AUTS2: variants seen among roughly 807,000 people sequenced by gnomAD.
The protein encoded by AUTS2 is autism susceptibility gene 2 protein.
In AUTS2, 17 loss-of-function variants were observed where a neutral mutation model predicts 112.4. The observed-to-expected ratio is 0.15, with a 90% CI of 0.10 to 0.23. AUTS2 has a LOEUF of 0.23. Among genes scored for constraint, AUTS2 ranks in the 10% least tolerant of loss-of-function variants. The pLI, the probability that AUTS2 is intolerant of heterozygous loss-of-function variation, is 1.00. For synonymous variants in AUTS2, 751 were observed against 702.7 expected (o/e 1.07, Z -1.09); for missense variants, 1,510 against 1,701.6 (o/e 0.89, Z 1.98).
chr7:69,604,653 G>A (rs2129072520), intron 1 of AUTS2, among the ~76,000 whole-genome samples: 1 of 152,286 alleles, frequency 6.6e-6, no homozygotes, highest in East Asian at 1.9e-4. Context: ...TGAAGGCACA[G>A]GAACAAGATG....
chr7:69,715,248 G>A (rs1361787145), intron 1 of AUTS2, among the ~76,000 whole-genome samples: 25 of 146,370 alleles, frequency 1.7e-4, no homozygotes, highest in African/African-American at 6.4e-4. Context: ...AAAAAAAAAG[G>A]AAAAAGTGAT....
At chr7:70,323,266 C>G (rs1415962097) in intron 4 of AUTS2, among the ~76,000 whole-genome samples, 5 of 152,154 alleles carry the variant, frequency 3.3e-5, no homozygotes, top group Non-Finnish European at 1.5e-5. Flanking sequence ...AGTCCACAAC[C>G]CAACTCAGAG....
intron 6 of AUTS2, among the ~76,000 whole-genome samples, chr7:70,753,525 A>G (rs1270679934): frequency 6.6e-6 from 1 of 152,202 alleles, no homozygotes; most frequent in African/African-American, 2.4e-5. Flanking sequence ...TCAGTGACCA[A>G]GAAGAAGAGC....
At position 70,197,573 on chromosome 7, in the gene AUTS2, G is replaced by A. The variant is rs1361374710; in HGVS notation, c.660+63002G>A. ...GAGTTCCCTTTCCGAGTCAAAGAAA[G>A]GGGTGACGGACGCACCTGGAAAATC... On this transcript the variant is annotated intron_variant, in intron 4 of 18. Transcript: ENST00000342771. Among the ~76,000 whole-genome samples the A allele has an allele frequency of 2.4e-3, 254 of 107,422 alleles. 2 individuals carry two copies. Among genetic ancestry groups the A allele is most frequent in the African/African-American group, 9.1e-3 (247 of 27,236 alleles). 70.5% of individuals were successfully genotyped at this position (107,422 alleles called of 152,430 possible).
chr7:70,402,036 T>A (rs1794347304), intron 4 of AUTS2, among the ~76,000 whole-genome samples: 1 of 152,222 alleles, frequency 6.6e-6, no homozygotes, highest in East Asian at 1.9e-4. Flanking sequence ...ATGTAAGGTA[T>A]TAAAAATCAT....
At chr7:69,859,407 G>A (rs1470550027) in intron 1 of AUTS2, among the ~76,000 whole-genome samples, 2 of 152,168 alleles carry the variant, frequency 1.3e-5, no homozygotes, top group African/African-American at 2.4e-5. Context: ...TTCTTTTAAT[G>A]TATTCCAAAA....
At chr7:70,765,685 C>T (rs151212683) in intron 8 of AUTS2, among the ~76,000 whole-genome samples, 1 of 152,152 alleles carries the variant, frequency 6.6e-6, no homozygotes, top group Admixed American at 6.5e-5. Flanking sequence ...TATCACTGTT[C>T]CCAAGCACTT....
chr7:70,560,616 A>G (rs1801448846), intron 5 of AUTS2, among the ~76,000 whole-genome samples: 1 of 152,254 alleles, frequency 6.6e-6, no homozygotes, highest in Admixed American at 6.5e-5. Context: ...TTAGGTGCCA[A>G]CTAGAGAAAG....
Position 70,791,114 on chromosome 7 carries a change from C to G in AUTS2, c.*118C>G. On this transcript the variant is annotated 3_prime_UTR_variant, in exon 19 of 19. Coordinates refer to ENST00000342771, the MANE Select transcript of AUTS2 (RefSeq NM_015570.4). ...CTGGGGGGGAAAGCCCCACCCCTTCCCCTTGTAAAAAATGTATAGACTCAG... is the reference window on the plus strand; with the variant it reads ...CTGGGGGGGAAAGCCCCACCCCTTCGCCTTGTAAAAAATGTATAGACTCAG... 1 of 1,074,156 alleles carries G rather than the reference C, an allele frequency of 9.3e-7. No individual in the cohort carries two copies. The highest frequency in any genetic ancestry group is 1.2e-6 in the Non-Finnish European group (1 of 822,584). The allele number at this position is 1,074,156 out of a possible 1,614,324, so 66.5% of individuals were successfully genotyped here. A position where few individuals can be genotyped will look rare whatever the true frequency, so the allele number is the denominator to read the frequency against.
At position 70,708,047 on chromosome 7, in the gene AUTS2, G is replaced by A. The variant is rs567526334; in HGVS notation, c.742+9427G>A. Among the ~76,000 whole-genome samples the A allele has an allele frequency of 4.6e-5, 7 of 152,278 alleles. No individual in the cohort carries two copies. The South Asian group carries it at 1.5e-3, about 32-fold the overall frequency. On this transcript the variant is annotated intron_variant, in intron 6 of 18. Transcript: ENST00000342771. ...TTTTGAAGAGGGAAATGTCTCAAGT[G>A]TGCCCGTTAATAGACTGATGTGGGA...
At chr7:70,580,535 C>T (rs1198279328) in intron 5 of AUTS2, among the ~76,000 whole-genome samples, 1 of 152,198 alleles carries the variant, frequency 6.6e-6, no homozygotes, top group Admixed American at 6.5e-5. Flanking sequence ...AATTCAGCCT[C>T]AGGATACAAG....
chr7:69,759,899 T>C (rs1781016414), intron 1 of AUTS2, among the ~76,000 whole-genome samples: 1 of 151,058 alleles, frequency 6.6e-6, no homozygotes, highest in South Asian at 2.1e-4. Context: ...TGGGATCTTC[T>C]GTCCTCTAGA....
At chr7:70,434,242 AG>A (rs1464606851) in intron 4 of AUTS2, among the ~76,000 whole-genome samples, 1 of 152,230 alleles carries the variant, frequency 6.6e-6, no homozygotes, top group Non-Finnish European at 1.5e-5. Flanking sequence ...CAATGCCCAG[AG>A]GTTTACCTCT....
At chr7:69,830,130 C>T (rs539853270) in intron 1 of AUTS2, among the ~76,000 whole-genome samples, 109 of 152,208 alleles carry the variant, frequency 7.2e-4, no homozygotes, top group South Asian at 1.5e-3. Context: ...CAAACTAACA[C>T]GGGAACAGAA....
intron 5 of AUTS2, among the ~76,000 whole-genome samples, chr7:70,666,295 C>T (rs531522764): frequency 3.7e-4 from 57 of 152,246 alleles, no homozygotes; most frequent in South Asian, 1.7e-3. Context: ...GCATCCAGCA[C>T]GACACTAAGT....
At chr7:70,378,609 T>C (rs1054548552) in intron 4 of AUTS2, among the ~76,000 whole-genome samples, 4 of 152,220 alleles carry the variant, frequency 2.6e-5, no homozygotes, top group Non-Finnish European at 5.9e-5. Flanking sequence ...ACACAGCTAG[T>C]ATGTGGCAGA....
At chr7:70,428,115 C>T (rs534410677) in intron 4 of AUTS2, among the ~76,000 whole-genome samples, 177 of 152,162 alleles carry the variant, frequency 1.2e-3, no homozygotes, top group Non-Finnish European at 2.3e-3. Flanking sequence ...GAAGAGTCGA[C>T]GACATTATTT....
intron 5 of AUTS2, among the ~76,000 whole-genome samples, chr7:70,504,180 T>C (rs1462017964): frequency 6.6e-6 from 1 of 151,830 alleles, no homozygotes; most frequent in African/African-American, 2.4e-5. Context: ...ATTAAAGCTT[T>C]ATAGGCTATT....
chr7:69,817,287 G>A (rs2129525866), intron 1 of AUTS2, among the ~76,000 whole-genome samples: 1 of 152,356 alleles, frequency 6.6e-6, no homozygotes, highest in East Asian at 1.9e-4. Context: ...CGATTGCCAA[G>A]AACTCGGCTC....
Sources: gnomAD v4.1 joint callset for allele counts (sites outside exome capture counted in the v4.1 genomes callset) on GRCh38, gnomAD v4.1.1 for gene constraint, MANE v1.5 for transcripts, NCBI Gene and HGNC (gene_info 2026-07-23, HGNC 2026-07-21) for gene names.